Variants in ITFG1 observed in about 807,000 individuals in gnomAD.
ITFG1 encodes the protein T-cell immunomodulatory protein.
A neutral mutation model predicts 81.8 loss-of-function variants in ITFG1; 34 were observed. The ratio of observed to expected loss-of-function variants is 0.42; its 90% CI spans 0.32 to 0.55. ITFG1 has a LOEUF of 0.55. Ranked by LOEUF, ITFG1 falls within the 20% of genes least tolerant of loss-of-function variation. The probability of loss-of-function intolerance (pLI) is 0.17; values close to 1 mark genes in which losing one functional copy is unlikely to be tolerated. For synonymous variants in ITFG1, 285 were observed against 270.6 expected, an observed-to-expected ratio of 1.05 and a Z score of -0.52; for missense variants, 672 against 755.4, an observed-to-expected ratio of 0.89 and a Z score of 1.29.
intron 6 of ITFG1, among the ~76,000 whole-genome samples, chr16:47,411,421 G>C (rs1374323066): frequency 6.6e-6 from 1 of 152,152 alleles, no homozygotes; most frequent in Non-Finnish European, 1.5e-5. Context: ...ACTGGTGGAG[G>C]GAGGGTGTGC....
At chr16:47,272,684 T>C (rs931600201) in intron 10 of ITFG1, among the ~76,000 whole-genome samples, 3 of 151,940 alleles carry the variant, frequency 2.0e-5, no homozygotes, top group African/African-American at 2.4e-5. Flanking sequence ...GCGTGAGCCA[T>C]TGCGCCCAGC....
At chr16:47,431,376 G>A (rs1283428072) in intron 5 of ITFG1, among the ~76,000 whole-genome samples, 2 of 152,176 alleles carry the variant, frequency 1.3e-5, no homozygotes, top group Non-Finnish European at 2.9e-5. Context: ...ATTGTGAAAT[G>A]CACATTCAAG....
intron 8 of ITFG1, among the ~76,000 whole-genome samples, chr16:47,336,132 T>C (rs1198387227): frequency 6.6e-6 from 1 of 152,170 alleles, no homozygotes; most frequent in South Asian, 2.1e-4. Context: ...ATGTCTAGAA[T>C]AGGCCAAAGT....
intron 16 of ITFG1, among the ~76,000 whole-genome samples, chr16:47,159,424 G>T (rs912718930): frequency 1.3e-5 from 2 of 152,058 alleles, no homozygotes; most frequent in African/African-American, 2.4e-5. Flanking sequence ...TCTTATTTTT[G>T]ACCTGTGTCA....
chr16:47,379,799 T>C (rs1968373038), intron 6 of ITFG1, among the ~76,000 whole-genome samples: 1 of 151,950 alleles, frequency 6.6e-6, no homozygotes. Flanking sequence ...AAACACCTTT[T>C]CCCCCACTTA....
At chr16:47,296,929 T>G (rs1052355674) in intron 10 of ITFG1, among the ~76,000 whole-genome samples, 2 of 152,230 alleles carry the variant, frequency 1.3e-5, no homozygotes, top group Admixed American at 6.5e-5. Context: ...TCCACATGTG[T>G]CTATTAAATC....
chr16:47,173,469 C>A, intron 14 of ITFG1, among the ~76,000 whole-genome samples: 1 of 152,130 alleles, frequency 6.6e-6, no homozygotes, highest in East Asian at 1.9e-4. Flanking sequence ...CCAAATGTGT[C>A]AGACCTAACA....
chr16:47,378,919 G>C (rs1968360954), intron 6 of ITFG1, among the ~76,000 whole-genome samples: 1 of 152,136 alleles, frequency 6.6e-6, no homozygotes, highest in Non-Finnish European at 1.5e-5. Flanking sequence ...TAAAATTAAG[G>C]AAATGTACTC....
chr16:47,421,603 T>C (rs1404683381), intron 6 of ITFG1, among the ~76,000 whole-genome samples: 1 of 152,180 alleles, frequency 6.6e-6, no homozygotes, highest in East Asian at 1.9e-4. Context: ...ATGCCCGGAC[T>C]AGCCAGTCTA....
intron 6 of ITFG1, among the ~76,000 whole-genome samples, chr16:47,383,972 T>A (rs911873187): frequency 6.6e-6 from 1 of 152,266 alleles, no homozygotes; most frequent in Non-Finnish European, 1.5e-5. Context: ...TTACATTTTT[T>A]AATGCATTTC....
chr16:47,386,172 G>A (rs987513109), intron 6 of ITFG1, among the ~76,000 whole-genome samples: 2 of 152,000 alleles, frequency 1.3e-5, no homozygotes, highest in African/African-American at 4.8e-5. Flanking sequence ...CATAACTGGG[G>A]GAAATTATTA....
intron 10 of ITFG1, among the ~76,000 whole-genome samples, chr16:47,274,069 C>A (rs1338565967): frequency 6.6e-6 from 1 of 152,036 alleles, no homozygotes; most frequent in East Asian, 1.9e-4. Context: ...CTAGCTTGAC[C>A]AACATGGTGA....
rs1965830787 is a variant in ITFG1, at chr16:47,232,872, C to T, written c.1374+5093G>A. Among the ~76,000 whole-genome samples, 7 of 151,998 alleles carry T rather than the reference C, an allele frequency of 4.6e-5. No homozygotes were observed. In the South Asian group the frequency reaches 1.5e-3, roughly 32 times the overall value. ...CCCAGGCTGGTCTCAAACTCCTGGGCTCAAGAGATCCTCCTGCCTCGACCT... is the reference window on the plus strand; with the variant it reads ...CCCAGGCTGGTCTCAAACTCCTGGGTTCAAGAGATCCTCCTGCCTCGACCT... On this transcript the variant is annotated intron_variant, in intron 13 of 17. Coordinates refer to ENST00000320640, the MANE Select transcript of ITFG1 (RefSeq NM_030790.5).
At chr16:47,431,535 G>A (rs919684980) in intron 5 of ITFG1, among the ~76,000 whole-genome samples, 79 of 152,294 alleles carry the variant, frequency 5.2e-4, no homozygotes, top group African/African-American at 1.9e-3. Context: ...TTGCCAAAAA[G>A]GTTGGGGACT....
chr16:47,218,238 A>C (rs1567426618), intron 14 of ITFG1: 6 of 152,170 alleles, frequency 3.9e-5, no homozygotes, highest in Admixed American at 2.6e-4. Flanking sequence ...AAGCATATTC[A>C]GATTCCTTTT....
intron 5 of ITFG1, among the ~76,000 whole-genome samples, chr16:47,439,313 G>A (rs891993442): frequency 6.6e-6 from 1 of 152,064 alleles, no homozygotes; most frequent in Non-Finnish European, 1.5e-5. Flanking sequence ...GGCCAACACT[G>A]AAATTCAGGA....
intron 12 of ITFG1, among the ~76,000 whole-genome samples, chr16:47,238,530 AATG>A (rs1255528161): frequency 6.6e-6 from 1 of 152,212 alleles, no homozygotes; most frequent in Non-Finnish European, 1.5e-5. Flanking sequence ...TATACAAAAT[AATG>A]ATAAATTTAT....
chr16:47,193,006 T>C (rs909979728), intron 14 of ITFG1, among the ~76,000 whole-genome samples: 11 of 152,114 alleles, frequency 7.2e-5, no homozygotes, highest in African/African-American at 2.4e-4. Context: ...TTCTCTGTAT[T>C]TGTCTGTTCT....
chr16:47,414,121 G>A (rs755574163), intron 6 of ITFG1, among the ~76,000 whole-genome samples: 3 of 151,924 alleles, frequency 2.0e-5, no homozygotes, highest in Non-Finnish European at 4.4e-5. Flanking sequence ...ACGCCCAGCC[G>A]AGATGTACTT....
Sources: allele counts gnomAD v4.1 joint callset (sites outside exome capture counted in the v4.1 genomes callset), GRCh38; gene constraint gnomAD v4.1.1; transcripts MANE v1.5; gene names NCBI Gene and HGNC (gene_info 2026-07-23, HGNC 2026-07-21).